The following ATG7 variants were observed in gnomAD, a reference collection of about 807,000 sequenced individuals.
ATG7 encodes the protein ubiquitin-like modifier-activating enzyme ATG7.
Under a neutral mutation model 82.4 loss-of-function variants are expected in ATG7, and 70 were observed. The observed-to-expected ratio is 0.85, with a 90% CI of 0.70 to 1.04. ATG7 has a LOEUF of 1.04. Among genes scored for constraint, ATG7 ranks in the 50% least tolerant of loss-of-function variants. ATG7 has a pLI of 0.00. For missense variants in ATG7, 792 were observed against 864.3 expected, an observed-to-expected ratio of 0.92 and a Z score of 1.05; for synonymous variants, 287 against 313.0, an observed-to-expected ratio of 0.92 and a Z score of 0.88.
At position 11,358,399 on chromosome 3, in the gene ATG7, C is replaced by T. The variant is rs762933429; in HGVS notation, c.1285-19C>T. On this transcript the variant is annotated intron_variant, in intron 14 of 20. Transcript: ENST00000693202. ...TATACCATTGCTCCAGACATAACTA[C>T]GTCCTGGTGTTTCCCTAGAATGCCA... 2.7e-5 allele frequency: 43 copies of T among 1,603,426 alleles called. No individual in the cohort carries two copies. Among genetic ancestry groups the T allele is most frequent in the South Asian group, 6.7e-5 (6 of 89,358 alleles).
At chr3:11,519,961 G>A (rs939778448) in intron 20 of ATG7, among the ~76,000 whole-genome samples, 1 of 151,934 alleles carries the variant, frequency 6.6e-6, no homozygotes, top group Non-Finnish European at 1.5e-5. Flanking sequence ...CAGATTTTTT[G>A]GGATCTTACC....
intron 20 of ATG7, among the ~76,000 whole-genome samples, chr3:11,537,412 C>A (rs1416002846): frequency 6.6e-6 from 1 of 152,290 alleles, no homozygotes; most frequent in South Asian, 2.1e-4. Context: ...CAGGGACGGA[C>A]GCACCTGTCC....
intron 20 of ATG7, among the ~76,000 whole-genome samples, chr3:11,550,140 C>G (rs886999877): frequency 2.6e-5 from 4 of 151,930 alleles, no homozygotes; most frequent in African/African-American, 9.7e-5. Flanking sequence ...GATATTTTCT[C>G]CTAGTCTGCA....
At chr3:11,383,404 T>A (rs1164934075) in intron 19 of ATG7, among the ~76,000 whole-genome samples, 2 of 152,188 alleles carry the variant, frequency 1.3e-5, no homozygotes, top group African/African-American at 4.8e-5. Context: ...AGTGATGCTG[T>A]CTCCTCATGT....
chr3:11,356,617 T>C (rs561471087), intron 14 of ATG7, among the ~76,000 whole-genome samples: 11 of 152,258 alleles, frequency 7.2e-5, no homozygotes, highest in African/African-American at 2.4e-4. Flanking sequence ...TGCATGATTA[T>C]ACTTCCATCT....
At chr3:11,530,678 AAAT>A (rs1274936236) in intron 20 of ATG7, among the ~76,000 whole-genome samples, 4 of 152,078 alleles carry the variant, frequency 2.6e-5, no homozygotes, top group Non-Finnish European at 4.4e-5. Flanking sequence ...TCTTAATAAT[AAAT>A]AATAATTTCC....
At chr3:11,369,794 T>A (rs971313768) in intron 18 of ATG7, among the ~76,000 whole-genome samples, 1 of 151,174 alleles carries the variant, frequency 6.6e-6, no homozygotes, top group Non-Finnish European at 1.5e-5. Context: ...GGTTGAAGGA[T>A]GTCACTTTGC....
At chr3:11,473,555 A>G (rs2087783239) in intron 20 of ATG7, among the ~76,000 whole-genome samples, 1 of 152,208 alleles carries the variant, frequency 6.6e-6, no homozygotes, top group Non-Finnish European at 1.5e-5. Flanking sequence ...GAATAAGGCT[A>G]GAAGCTTTAA....
In ATG7 at chr3:11,335,351, A is replaced by G. The variant is rs948716642; in HGVS notation, c.889+2258A>G. On this transcript the variant is annotated intron_variant, in intron 11 of 20. Coordinates refer to ENST00000693202, the MANE Select transcript of ATG7 (RefSeq NM_001349232.2). ...GAAGAAGAATTGTCTTGGACCACAC[A>G]TAAAATACACTAACACTAATGATAG... 5.3e-5 allele frequency among the ~76,000 whole-genome samples: 8 copies of G among 152,198 alleles called. No individual in the cohort carries two copies. In the South Asian group the frequency reaches 1.2e-3, roughly 24 times the overall value.
chr3:11,286,502 C>A (rs1451295339), intron 3 of ATG7, among the ~76,000 whole-genome samples: 1 of 128,286 alleles, frequency 7.8e-6, no homozygotes, highest in African/African-American at 2.9e-5. Flanking sequence ...GCTTTTGTTT[C>A]TTTTCGGGAG....
At chr3:11,531,089 C>G (rs1324689300) in intron 20 of ATG7, among the ~76,000 whole-genome samples, 1 of 152,220 alleles carries the variant, frequency 6.6e-6, no homozygotes, top group Non-Finnish European at 1.5e-5. Flanking sequence ...CTTCTTGCCT[C>G]TCTGGCTGGT....
intron 20 of ATG7, among the ~76,000 whole-genome samples, chr3:11,490,276 A>G (rs2153046117): frequency 6.6e-6 from 1 of 152,290 alleles, no homozygotes; most frequent in Admixed American, 6.5e-5. Flanking sequence ...GTCTTCTATC[A>G]GAGACTAGGA....
intron 3 of ATG7, among the ~76,000 whole-genome samples, chr3:11,298,285 AAC>A (rs1322061650): frequency 6.6e-6 from 1 of 152,228 alleles, no homozygotes; most frequent in Admixed American, 6.5e-5. Context: ...CAGTCACAAA[AAC>A]ACAAATACTG....
chr3:11,423,499 C>T (rs1319715255), intron 19 of ATG7, among the ~76,000 whole-genome samples: 1 of 152,144 alleles, frequency 6.6e-6, no homozygotes, highest in Non-Finnish European at 1.5e-5. Context: ...TCACTAAACA[C>T]ATAGTACTCA....
intron 19 of ATG7, among the ~76,000 whole-genome samples, chr3:11,414,302 G>A (rs751520147): frequency 2.6e-5 from 4 of 152,134 alleles, no homozygotes; most frequent in Non-Finnish European, 4.4e-5. Context: ...CTGACTTCAG[G>A]TCATCCACCC....
At chr3:11,558,911 C>T, downstream of ATG7, 5 of 1,503,548 alleles carry the variant, frequency 3.3e-6, no homozygotes, top group Non-Finnish European at 2.7e-6. Flanking sequence ...CCTCAGGCAG[C>T]CCAGAGCCGG....
intron 20 of ATG7, among the ~76,000 whole-genome samples, chr3:11,546,546 G>A (rs986768341): frequency 2.6e-5 from 4 of 152,162 alleles, no homozygotes; most frequent in African/African-American, 7.2e-5. Flanking sequence ...CCATTCCCAA[G>A]GTAATTACAG....
At position 11,372,803 on chromosome 3, in the gene ATG7, T is replaced by G. The variant is rs1052062157; in HGVS notation, c.1876-7169T>G. Among the ~76,000 whole-genome samples, 7 of 68,644 alleles carry G rather than the reference T, an allele frequency of 1.0e-4. No individual in the cohort carries two copies. In the South Asian group the frequency reaches 3.4e-3, roughly 34 times the overall value. The allele number at this position is 68,644 out of a possible 152,430, so 45.0% of individuals were successfully genotyped here. On this transcript the variant is annotated intron_variant, in intron 18 of 20. Transcript: ENST00000693202. ...ACAAAGTTGGTAGGTAAGGGCTGGGTGTGTGTGTGTGTGCGCGCGTGTGCG... is the reference window on the plus strand; with the variant it reads ...ACAAAGTTGGTAGGTAAGGGCTGGGGGTGTGTGTGTGTGCGCGCGTGTGCG...
chr3:11,509,902 C>T (rs545190784), intron 20 of ATG7, among the ~76,000 whole-genome samples: 1 of 152,250 alleles, frequency 6.6e-6, no homozygotes, highest in African/African-American at 2.4e-5. Flanking sequence ...TGTGATTCAG[C>T]CCAGGATCCT....
Sources: gnomAD v4.1 joint callset for allele counts (sites outside exome capture counted in the v4.1 genomes callset) on GRCh38, gnomAD v4.1.1 for gene constraint, MANE v1.5 for transcripts, NCBI Gene and HGNC (gene_info 2026-07-23, HGNC 2026-07-21) for gene names.